The following KIAA1217 variants were observed in gnomAD, a reference collection of about 807,000 sequenced individuals.
KIAA1217 encodes the protein KIAA1217, also known as sickle tail protein homolog.
A neutral mutation model predicts 163.9 loss-of-function variants in KIAA1217; 88 were observed. The ratio of observed to expected loss-of-function variants is 0.54; its 90% CI spans 0.45 to 0.64. The LOEUF is 0.64. Ranked by LOEUF, KIAA1217 falls within the 30% of genes least tolerant of loss-of-function variation. The pLI, the probability that KIAA1217 is intolerant of heterozygous loss-of-function variation, is 0.00. For missense variants in KIAA1217, 2,372 were observed against 2,475.0 expected (o/e 0.96, Z 0.88); for synonymous variants, 903 against 923.1 (o/e 0.98, Z 0.39).
intron 1 of KIAA1217, among the ~76,000 whole-genome samples, chr10:23,764,581 T>C (rs774001049): frequency 1.3e-5 from 2 of 152,134 alleles, no homozygotes; most frequent in Non-Finnish European, 2.9e-5. Flanking sequence ...AAAGAAAATA[T>C]GGTACGTATA....
At chr10:24,485,367 A>T (rs10828655) in intron 6 of KIAA1217, among the ~76,000 whole-genome samples, 30,213 of 151,988 alleles carry the variant, frequency 0.2, 3,266 homozygotes, top group South Asian at 0.37. Context: ...ACTTCCTGTA[A>T]TTGACCTTGT....
At chr10:24,433,900 T>C (rs2059800418) in intron 4 of KIAA1217, among the ~76,000 whole-genome samples, 1 of 152,080 alleles carries the variant, frequency 6.6e-6, no homozygotes, top group Admixed American at 6.6e-5. Flanking sequence ...ACTTTCCAGG[T>C]GGCCTTTCCC....
At chr10:23,819,185 A>G (rs890872095) in intron 1 of KIAA1217, among the ~76,000 whole-genome samples, 1 of 152,124 alleles carries the variant, frequency 6.6e-6, no homozygotes, top group African/African-American at 2.4e-5. Context: ...CAGAATCTCT[A>G]TTTTAGCAGG....
At chr10:23,792,947 T>C (rs1369589963) in intron 1 of KIAA1217, among the ~76,000 whole-genome samples, 2 of 150,440 alleles carry the variant, frequency 1.3e-5, no homozygotes, top group African/African-American at 4.9e-5. Context: ...ATGGAGCCAG[T>C]GAGTCTTCAT....
At chr10:23,700,055 C>T (rs1836325039) in intron 1 of KIAA1217, among the ~76,000 whole-genome samples, 1 of 152,174 alleles carries the variant, frequency 6.6e-6, no homozygotes, top group Non-Finnish European at 1.5e-5. Flanking sequence ...CCACAGCCTT[C>T]TAAAGATTCT....
At chr10:24,402,975 A>C (rs2056760826) in intron 3 of KIAA1217, among the ~76,000 whole-genome samples, 2 of 152,300 alleles carry the variant, frequency 1.3e-5, no homozygotes, top group South Asian at 4.1e-4. Context: ...GAGGAACAAT[A>C]GCTTTTTTAG....
At chr10:24,282,062 C>A (rs1161573332) in intron 2 of KIAA1217, among the ~76,000 whole-genome samples, 79 of 151,568 alleles carry the variant, frequency 5.2e-4, no homozygotes, top group African/African-American at 1.7e-3. Context: ...ATCTCAACAA[C>A]AACAAAAAAA....
At chr10:24,141,229 C>CT (rs1436412655) in intron 2 of KIAA1217, among the ~76,000 whole-genome samples, 1 of 120,736 alleles carries the variant, frequency 8.3e-6, no homozygotes, top group Admixed American at 8.2e-5. Flanking sequence ...GAATAAACCC[C>CT]CCCCCCCCAT....
chr10:24,544,074 G>A lies in KIAA1217; in HGVS notation c.4804G>A (p.Val1602Met), dbSNP rs751994178. 50 of 1,614,042 alleles carry A rather than the reference G, an allele frequency of 3.1e-5. 1 individual carries two copies. In the Middle Eastern group the frequency reaches 4.9e-4, roughly 16 times the overall value. Residue 1602 changes from valine to methionine, a missense_variant, in exon 19 of 21, where the codon GTG (valine) becomes ATG (methionine). Val to Met is a conservative substitution (Grantham distance 21). Around this residue, in one of 3 missense-constraint regions of KIAA1217, gnomAD observed 690 missense variants for 677.5 expected, o/e 1.02. Coordinates refer to ENST00000376454, the MANE Select transcript of KIAA1217 (RefSeq NM_019590.5). Reference sequence around the variant, plus strand: ...TAAAACAGGGAAGAAGACTTTGCAAGTGGTAGTCTATGAAGAAGAGGAAGA... The same window carrying A: ...TAAAACAGGGAAGAAGACTTTGCAAATGGTAGTCTATGAAGAAGAGGAAGA... ...GTKTGKKTLQ[V>M]VVYEEEEEDG...
intron 1 of KIAA1217, among the ~76,000 whole-genome samples, chr10:23,712,549 A>G (rs897790142): frequency 2.6e-5 from 4 of 152,110 alleles, no homozygotes; most frequent in African/African-American, 9.7e-5. Flanking sequence ...TAATTTAACT[A>G]TAACTTACCA....
chr10:23,796,446 C>A (rs1028800842), intron 1 of KIAA1217, among the ~76,000 whole-genome samples: 2 of 152,094 alleles, frequency 1.3e-5, no homozygotes, highest in Admixed American at 1.3e-4. Context: ...TCACTGCAAC[C>A]TCTGCCTCCC....
intron 2 of KIAA1217, among the ~76,000 whole-genome samples, chr10:24,195,086 G>A (rs537566429): frequency 1.3e-5 from 2 of 152,072 alleles, no homozygotes; most frequent in Non-Finnish European, 2.9e-5. Context: ...TTCTTCCAGG[G>A]AAGGCAGATT....
chr10:23,942,496 T>C (rs1186710217), intron 1 of KIAA1217, among the ~76,000 whole-genome samples: 1 of 152,188 alleles, frequency 6.6e-6, no homozygotes, highest in Non-Finnish European at 1.5e-5. Flanking sequence ...TTATACGTTA[T>C]GAAAAGTAGA....
chr10:24,538,944 G>T (rs954801791), intron 17 of KIAA1217, among the ~76,000 whole-genome samples: 2 of 151,796 alleles, frequency 1.3e-5, no homozygotes, highest in Non-Finnish European at 2.9e-5. Context: ...ATCTTGGCCA[G>T]GTTGGTCTTG....
intron 3 of KIAA1217, among the ~76,000 whole-genome samples, chr10:24,389,832 T>G (rs369113313): frequency 1.3e-5 from 2 of 151,788 alleles, no homozygotes; most frequent in Non-Finnish European, 2.9e-5. Flanking sequence ...TTTTGTTTTG[T>G]TTTTTTTCAG....
chr10:24,343,135 TC>T lies in KIAA1217; in HGVS notation c.355-37733del, dbSNP rs200080344. On this transcript the variant is annotated intron_variant, in intron 2 of 20. Coordinates refer to ENST00000376454, the MANE Select transcript of KIAA1217 (RefSeq NM_019590.5). The stretch of plus-strand genomic sequence containing the variant: ...GGCAAAGCTGCACTGGATGGTCTGT[TC>T]ATATATCTGGGTATTTTTTTCCACA... Among the ~76,000 whole-genome samples, 1,378 of 152,288 alleles carry T rather than the reference TC, an allele frequency of 9.0e-3. 68 individuals carry two copies. The East Asian group carries it at 0.13, about 14-fold the overall frequency.
intron 3 of KIAA1217, among the ~76,000 whole-genome samples, chr10:24,393,010 G>A (rs1373179513): frequency 6.6e-6 from 1 of 151,852 alleles, no homozygotes; most frequent in African/African-American, 2.4e-5. Context: ...TGATCCTTTA[G>A]GTTTATTTAA....
intron 2 of KIAA1217, among the ~76,000 whole-genome samples, chr10:24,170,303 G>A (rs1392433761): frequency 6.6e-6 from 1 of 152,210 alleles, no homozygotes; most frequent in African/African-American, 2.4e-5. Flanking sequence ...AGAGGAAGGT[G>A]GGACTCCCAG....
At chr10:24,373,794 C>T (rs1223501548) in intron 2 of KIAA1217, among the ~76,000 whole-genome samples, 1 of 152,230 alleles carries the variant, frequency 6.6e-6, no homozygotes, top group Non-Finnish European at 1.5e-5. Flanking sequence ...GCCTGGCTCA[C>T]TTCGCTCCAC....
Sources: gnomAD v4.1 joint callset for allele counts (sites outside exome capture counted in the v4.1 genomes callset) on GRCh38, gnomAD v4.1.1 for gene constraint, gnomAD v4.1.1 regional missense constraint, MANE v1.5 for transcripts, NCBI Gene and HGNC (gene_info 2026-07-23, HGNC 2026-07-21) for gene names.